GALNT13: variants seen among roughly 807,000 people sequenced by gnomAD.
GALNT13 encodes the protein UDP-GalNAc:polypeptide N-acetylgalactosaminyltransferase 13.
GALNT13 carries 28 observed loss-of-function variants against 64.2 expected under a neutral mutation model. The ratio of observed to expected loss-of-function variants is 0.44; its 90% CI spans 0.32 to 0.60. The LOEUF (loss-of-function observed/expected upper bound fraction) is 0.60, where lower values mean the gene tolerates loss of function less well. GALNT13 is among the 20% of genes least tolerant of loss of function. The pLI is 0.05. For missense variants in GALNT13, 577 were observed against 669.8 expected (o/e 0.86, Z 1.53); for synonymous variants, 214 against 224.6 (o/e 0.95, Z 0.42).
chr2:154,003,491 A>G (rs893628399), intron 3 of GALNT13, among the ~76,000 whole-genome samples: 4 of 152,044 alleles, frequency 2.6e-5, no homozygotes, highest in Non-Finnish European at 5.9e-5. Context: ...GCCTTTGAAT[A>G]CTTTCTAGGT....
At chr2:153,906,862 A>G (rs1290138298) in intron 2 of GALNT13, among the ~76,000 whole-genome samples, 2 of 151,616 alleles carry the variant, frequency 1.3e-5, no homozygotes, top group Non-Finnish European at 3.0e-5. Context: ...AGTCCCACCA[A>G]CAGTGTAAAA....
chr2:153,654,236 A>G, the GALNT13 span, among the ~76,000 whole-genome samples: 1 of 152,172 alleles, frequency 6.6e-6, no homozygotes, highest in Non-Finnish European at 1.5e-5. Flanking sequence ...TGTGAAAAAT[A>G]TAAGGATGAA....
chr2:153,543,326 T>A, the GALNT13 span, among the ~76,000 whole-genome samples: 1 of 152,172 alleles, frequency 6.6e-6, no homozygotes, highest in African/African-American at 2.4e-5. Context: ...GCCTACATCT[T>A]ACTGTTGAGT....
At chr2:153,470,160 G>A in the GALNT13 span, among the ~76,000 whole-genome samples, 2 of 152,244 alleles carry the variant, frequency 1.3e-5, 1 homozygote, top group East Asian at 3.9e-4. Context: ...ATAACATACT[G>A]TCTCTAGGCT....
the GALNT13 span, among the ~76,000 whole-genome samples, chr2:153,385,348 C>A: frequency 6.6e-6 from 1 of 152,040 alleles, no homozygotes. Context: ...GAGTACTAGT[C>A]AACCCTAAAA....
At chr2:154,032,249 A>T (rs1178626676) in intron 3 of GALNT13, among the ~76,000 whole-genome samples, 3 of 152,102 alleles carry the variant, frequency 2.0e-5, no homozygotes. Context: ...ACGAACTTTC[A>T]CTAAAAATAT....
At chr2:153,256,834 G>T in the GALNT13 span, among the ~76,000 whole-genome samples, 1 of 152,218 alleles carries the variant, frequency 6.6e-6, no homozygotes, top group Admixed American at 6.5e-5. Context: ...TGTGTGCTGG[G>T]AGAACCACTG....
the GALNT13 span, among the ~76,000 whole-genome samples, chr2:153,801,039 A>C: frequency 6.3e-4 from 96 of 152,072 alleles, no homozygotes; most frequent in African/African-American, 2.3e-3. Context: ...CTACCTTCCA[A>C]CTTCTCTTTG....
At chr2:154,228,265 TC>T (rs545979739) in intron 4 of GALNT13, among the ~76,000 whole-genome samples, 148 of 152,234 alleles carry the variant, frequency 9.7e-4, no homozygotes, top group African/African-American at 3.0e-3. Context: ...ACTTTTTTTT[TC>T]CCCCTAAATG....
the GALNT13 span, among the ~76,000 whole-genome samples, chr2:153,534,518 C>CTTTTTTTTTTTT: frequency 8.1e-6 from 1 of 123,776 alleles, no homozygotes. Flanking sequence ...GCCCCTCTTT[C>CTTTTTTTTTTTT]TTTCTTTCTT....
chr2:153,923,670 C>T (rs896408426), intron 2 of GALNT13, among the ~76,000 whole-genome samples: 1 of 151,770 alleles, frequency 6.6e-6, no homozygotes, highest in Non-Finnish European at 1.5e-5. Flanking sequence ...AGGTATATCT[C>T]CTAATGCTAT....
At chr2:153,807,723 A>C in the GALNT13 span, among the ~76,000 whole-genome samples, 1 of 151,978 alleles carries the variant, frequency 6.6e-6, no homozygotes, top group South Asian at 2.1e-4. Context: ...TATAATATTT[A>C]TTTTAATTCT....
the GALNT13 span, among the ~76,000 whole-genome samples, chr2:153,804,660 A>C: frequency 1.3e-5 from 2 of 152,142 alleles, no homozygotes; most frequent in Non-Finnish European, 2.9e-5. Context: ...TCTTTGAAGA[A>C]GTTCAGAGTA....
At chr2:154,235,433 AC>A (rs1365324318) in intron 4 of GALNT13, among the ~76,000 whole-genome samples, 3 of 152,156 alleles carry the variant, frequency 2.0e-5, no homozygotes, top group African/African-American at 2.4e-5. Flanking sequence ...TGAAACAATC[AC>A]TTTTTGGTTG....
the GALNT13 span, among the ~76,000 whole-genome samples, chr2:153,463,971 G>A: frequency 1.3e-5 from 2 of 152,036 alleles, no homozygotes; most frequent in Non-Finnish European, 1.5e-5. Flanking sequence ...AGGTAGCCCA[G>A]TGTGCAGCAG....
At chr2:153,586,462 T>G in the GALNT13 span, among the ~76,000 whole-genome samples, 1 of 152,194 alleles carries the variant, frequency 6.6e-6, no homozygotes, top group Non-Finnish European at 1.5e-5. Flanking sequence ...AAGGTCATTA[T>G]GTAATGATGA....
chr2:154,396,764 A>G (rs1699073527), intron 10 of GALNT13, among the ~76,000 whole-genome samples: 1 of 152,080 alleles, frequency 6.6e-6, no homozygotes, highest in East Asian at 1.9e-4. Flanking sequence ...TGAAAACTGC[A>G]AGTAATATCT....
chr2:154,110,600 A>T (rs1459180999), intron 3 of GALNT13, among the ~76,000 whole-genome samples: 1 of 151,746 alleles, frequency 6.6e-6, no homozygotes, highest in African/African-American at 2.4e-5. Flanking sequence ...TAGTCTTTTG[A>T]CATTTTTCTG....
chr2:154,010,739 C>A lies in GALNT13; in HGVS notation c.142+66100C>A, dbSNP rs569557045. Reference sequence around the variant, plus strand: ...TCCAGGACTTTTTCTGCTTGTTAGGCTTTTTACTACTCATTTATTTTTGAT... The same window carrying A: ...TCCAGGACTTTTTCTGCTTGTTAGGATTTTTACTACTCATTTATTTTTGAT... On this transcript the variant is annotated intron_variant, in intron 3 of 12. Coordinates refer to ENST00000392825, the MANE Select transcript of GALNT13 (RefSeq NM_052917.4). Among the ~76,000 whole-genome samples the A allele has an allele frequency of 3.3e-5, 5 of 152,086 alleles. No homozygotes were observed. In the East Asian group the frequency reaches 7.7e-4, roughly 24 times the overall value.
Sources: allele counts gnomAD v4.1 joint callset (sites outside exome capture counted in the v4.1 genomes callset), GRCh38; gene constraint gnomAD v4.1.1; transcripts MANE v1.5; gene names NCBI Gene and HGNC (gene_info 2026-07-23, HGNC 2026-07-21).